RPP30: variants seen among roughly 807,000 people sequenced by gnomAD.
RPP30 encodes ribonuclease P/MRP subunit p30, also known as ribonuclease P protein subunit p30.
Under a neutral mutation model 38.6 loss-of-function variants are expected in RPP30, and 36 were observed. The ratio of observed to expected loss-of-function variants is 0.93; its 90% confidence interval spans 0.71 to 1.23. The LOEUF is 1.23. Among genes scored for constraint, RPP30 ranks in the 50% most tolerant of loss-of-function variants. The pLI is 0.00. For missense variants in RPP30, 321 were observed against 321.7 expected (o/e 1.00, Z 0.02); for synonymous variants, 126 against 112.7 (o/e 1.12, Z -0.75).
At chr10:90,891,411 C>T (rs1324654573) in intron 6 of RPP30, among the ~76,000 whole-genome samples, 1 of 152,204 alleles carries the variant, frequency 6.6e-6, no homozygotes, top group Non-Finnish European at 1.5e-5. Flanking sequence ...CTGACTTCAT[C>T]TTAACTAATT....
At position 90,900,429 on chromosome 10, in the gene RPP30, C is replaced by T. The variant is rs552169931; in HGVS notation, c.698-141C>T. On this transcript the variant is annotated intron_variant, in intron 10 of 10. Transcript: ENST00000371703. ...GTCTGTTGGGAAAAAAAGATAATGA[C>T]GGTAAATGGCACTAGCAGCCATAGC... is the stretch of plus-strand genomic sequence containing the variant. 147 of 719,160 alleles carry T rather than the reference C, an allele frequency of 2.0e-4. 2 individuals are homozygous for T. The South Asian group carries it at 2.1e-3, about 10-fold the overall frequency. 44.5% of individuals were successfully genotyped at this position (719,160 alleles called of 1,614,324 possible).
chr10:90,884,965 T>C (rs1846979409), intron 5 of RPP30, among the ~76,000 whole-genome samples: 1 of 152,244 alleles, frequency 6.6e-6, no homozygotes, highest in Non-Finnish European at 1.5e-5. Context: ...AATCAAATAA[T>C]GGCAAAATCA....
chr10:90,904,810 TAAA>T (rs899515419), downstream of RPP30, among the ~76,000 whole-genome samples: 7 of 151,862 alleles, frequency 4.6e-5, no homozygotes, highest in Admixed American at 1.3e-4. Flanking sequence ...AGACTCTGTC[TAAA>T]AAAAAGAAAG....
intron 6 of RPP30, among the ~76,000 whole-genome samples, chr10:90,890,819 T>TA (rs34954749): frequency 0.93 from 140,620 of 150,614 alleles, 65,759 homozygotes; most frequent in East Asian, 1. Flanking sequence ...ATTAATAAGT[T>TA]AAAAAAAAAG....
chr10:90,901,499 C>G lies in RPP30; in HGVS notation c.*820C>G, dbSNP rs1431189393. On this transcript the variant is annotated 3_prime_UTR_variant, in exon 11 of 11. Coordinates refer to ENST00000371703, the MANE Select transcript of RPP30 (RefSeq NM_006413.5). ...ACACATGTAAAATTACATCTGGTCT[C>G]TTCCTTCACTGCTTCATGCCTACGT... 17 of 985,022 alleles carry G rather than the reference C, an allele frequency of 1.7e-5. No individual in the cohort carries two copies. The highest frequency in any genetic ancestry group is 3.5e-5 in the African/African-American group (2 of 57,216). 61.0% of individuals were successfully genotyped at this position (985,022 alleles called of 1,614,324 possible). A position where few individuals can be genotyped will look rare whatever the true frequency, so the allele number is the denominator to read the frequency against.
rs1334645028 is a variant in RPP30, at chr10:90,901,770, AT to A, written c.*1098del. ...AGCCAGAGGTATAACTGAATAAGAA[AT>A]TTTTTTAAGCAAGAGAAAGACAACT... On this transcript the variant is annotated 3_prime_UTR_variant, in exon 11 of 11. Coordinates refer to ENST00000371703, the MANE Select transcript of RPP30 (RefSeq NM_006413.5). 1.5e-4 allele frequency: 151 copies of A among 984,776 alleles called. No individual in the cohort carries two copies. The highest frequency in any genetic ancestry group is 1.8e-4 in the Non-Finnish European group (149 of 829,510). 61.0% of individuals were successfully genotyped at this position (984,776 alleles called of 1,614,324 possible). A position where few individuals can be genotyped will look rare whatever the true frequency, so the allele number is the denominator to read the frequency against.
intron 7 of RPP30, chr10:90,895,116 T>C (rs1428399520): frequency 8.5e-6 from 5 of 585,978 alleles, no homozygotes; most frequent in East Asian, 3.3e-5. Context: ...TATCTTTTGA[T>C]AAAAATTTGC....
chr10:90,908,114 A>G (rs757834145), downstream of RPP30, among the ~76,000 whole-genome samples: 10 of 152,336 alleles, frequency 6.6e-5, no homozygotes, highest in East Asian at 1.9e-4. Flanking sequence ...GCACTGTACT[A>G]TGATGTTACA....
rs1847208586 is a variant in RPP30, at chr10:90,901,961, GGC to G, written c.*1285_*1286del. On this transcript the variant is annotated 3_prime_UTR_variant, in exon 11 of 11. Transcript: ENST00000371703. The stretch of plus-strand genomic sequence containing the variant: ...AGCCTCCTGAGTAGCTGGGACTACA[GGC>G]GCTCGCCATGTATTTAGCAGAGACG... The G allele has an allele frequency of 1.6e-5, 6 of 369,918 alleles. No homozygotes were observed. Among genetic ancestry groups the G allele is most frequent in the Non-Finnish European group, 2.2e-5 (6 of 268,478 alleles). The allele number at this position is 369,918 out of a possible 1,614,324, so 22.9% of individuals were successfully genotyped here. A position where few individuals can be genotyped will look rare whatever the true frequency, so the allele number is the denominator to read the frequency against.
downstream of RPP30, among the ~76,000 whole-genome samples, chr10:90,907,638 C>T (rs1392456694): frequency 6.6e-6 from 1 of 152,112 alleles, no homozygotes; most frequent in Non-Finnish European, 1.5e-5. Context: ...CATGTATTTC[C>T]ACAAGTGCCA....
rs1030760735 is a variant in RPP30, at chr10:90,901,312, C to T, written c.*633C>T. ...GTTTGAATATTTTAAGAGCTTCTTT[C>T]GAAAGTTTCTTGTTCATACTCAAAT... On this transcript the variant is annotated 3_prime_UTR_variant, in exon 11 of 11. Coordinates refer to ENST00000371703, the MANE Select transcript of RPP30 (RefSeq NM_006413.5). 13 of 984,866 alleles carry T rather than the reference C, an allele frequency of 1.3e-5. No homozygotes were observed. Among genetic ancestry groups the T allele is most frequent in the Admixed American group, 6.2e-5 (1 of 16,228 alleles). 61.0% of individuals were successfully genotyped at this position (984,866 alleles called of 1,614,324 possible).
chr10:90,880,326 G>C lies in RPP30; in HGVS notation c.342+1192G>C, dbSNP rs952233985. The stretch of plus-strand genomic sequence containing the variant: ...CTAACGTGTGCGATAAACATTAATA[G>C]TTTTCAAGACATACTGTCAATTCTT... On this transcript the variant is annotated intron_variant, in intron 5 of 10. Transcript: ENST00000371703. The C allele has an allele frequency of 3.4e-5, 5 of 147,852 alleles. No homozygotes were observed. The East Asian group carries it at 5.8e-4, about 17-fold the overall frequency. The allele number at this position is 147,852 out of a possible 1,614,324, so 9.2% of individuals were successfully genotyped here. A position where few individuals can be genotyped will look rare whatever the true frequency, so the allele number is the denominator to read the frequency against.
At chr10:90,891,776 G>A (rs1424303629) in intron 6 of RPP30, among the ~76,000 whole-genome samples, 4 of 152,164 alleles carry the variant, frequency 2.6e-5, no homozygotes, top group Non-Finnish European at 5.9e-5. Flanking sequence ...AAGAAACTCT[G>A]GAAGAAGACA....
chr10:90,886,776 A>G (rs148506651), intron 6 of RPP30, among the ~76,000 whole-genome samples: 57 of 152,350 alleles, frequency 3.7e-4, no homozygotes, highest in African/African-American at 1.2e-3. Flanking sequence ...TCCTGTCAGA[A>G]TCAGAAGATT....
At chr10:90,902,457 CAGT>C (rs1847215134), downstream of RPP30, 7 of 202,014 alleles carry the variant, frequency 3.5e-5, no homozygotes, top group South Asian at 3.8e-4. Flanking sequence ...CAGATTCAAG[CAGT>C]CTGTCCGCCT....
chr10:90,880,686 C>T (rs1385181389), intron 5 of RPP30, among the ~76,000 whole-genome samples: 1 of 152,152 alleles, frequency 6.6e-6, no homozygotes, highest in East Asian at 1.9e-4. Context: ...TGCCACTGCA[C>T]TCCAGCCTGG....
At chr10:90,904,055 C>G (rs1847229196), downstream of RPP30, among the ~76,000 whole-genome samples, 1 of 152,054 alleles carries the variant, frequency 6.6e-6, no homozygotes, top group South Asian at 2.1e-4. Flanking sequence ...GGTCTTTGGA[C>G]TTGGTATTCT....
intron 8 of RPP30, 22 bp from the exon 9 acceptor site, chr10:90,895,858 C>G: frequency 6.4e-7 from 1 of 1,560,030 alleles, no homozygotes; most frequent in Non-Finnish European, 8.8e-7. Flanking sequence ...CTCATATCTA[C>G]TCTTTGTTCA....
At chr10:90,906,648 G>A (rs1358790045), downstream of RPP30, among the ~76,000 whole-genome samples, 2 of 152,322 alleles carry the variant, frequency 1.3e-5, no homozygotes, top group East Asian at 1.9e-4. Context: ...GCCTAGGAGG[G>A]CTATTTGATC....
Sources: gnomAD v4.1 joint callset for allele counts (sites outside exome capture counted in the v4.1 genomes callset) on GRCh38, gnomAD v4.1.1 for gene constraint, MANE v1.5 for transcripts, NCBI Gene and HGNC (gene_info 2026-07-23, HGNC 2026-07-21) for gene names.